GRAMD1B: variants seen among roughly 807,000 people sequenced by gnomAD.
GRAMD1B encodes the protein GRAM domain containing 1B, also known as protein Aster-B.
A neutral mutation model predicts 99.7 loss-of-function variants in GRAMD1B; 37 were observed. The ratio of observed to expected loss-of-function variants is 0.37; its 90% CI spans 0.29 to 0.49. GRAMD1B has a LOEUF of 0.49. Among genes scored for constraint, GRAMD1B ranks in the 20% least tolerant of loss-of-function variants. The pLI is 0.98. For synonymous variants in GRAMD1B, 427 were observed against 387.6 expected (o/e 1.10, Z -1.19); for missense variants, 888 against 1,009.2 (o/e 0.88, Z 1.63).
rs56216203 is a variant in GRAMD1B, at chr11:123,481,455, AAAC to A, written c.452+583_452+585del. ...GGCAACAGAGGGAGACTTCGTCTAA[AAAC>A]AACAACAACAACAACAACAAACTTT... On this transcript the variant is annotated intron_variant, in intron 2 of 19. Transcript: ENST00000635736. Among the ~76,000 whole-genome samples, 1,161 of 151,690 alleles carry A rather than the reference AAAC, an allele frequency of 7.7e-3. 17 individuals carry two copies. The highest frequency in any genetic ancestry group is 0.027 in the African/African-American group (1,105 of 41,358).
Position 123,440,778 on chromosome 11 carries a change from G to T in GRAMD1B, c.374+9612G>T, listed in dbSNP as rs566063547. On this transcript the variant is annotated intron_variant, in intron 1 of 19. Transcript: ENST00000635736. The stretch of plus-strand genomic sequence containing the variant: ...CCTTAGGAAGCTTCTATTCCTGGTG[G>T]AAAGCAAATGGGGGTTGATATGGCT... Among the ~76,000 whole-genome samples the T allele has an allele frequency of 5.3e-5, 8 of 152,264 alleles. No homozygotes were observed. The East Asian group carries it at 1.5e-3, about 29-fold the overall frequency.
chr11:123,600,750 G>A (rs1403363279), intron 8 of GRAMD1B, among the ~76,000 whole-genome samples: 1 of 152,186 alleles, frequency 6.6e-6, no homozygotes, highest in Non-Finnish European at 1.5e-5. Context: ...AGGGGCTTCA[G>A]TTCCACTGCT....
chr11:123,618,724 C>A lies in GRAMD1B; in HGVS notation c.2350C>A (p.Leu784Ile). 1 of 1,585,936 alleles carries A rather than the reference C, an allele frequency of 6.3e-7. No individual in the cohort carries two copies. The highest frequency in any genetic ancestry group is 8.6e-7 in the Non-Finnish European group (1 of 1,164,376). Residue 784 changes from leucine to isoleucine, a missense_variant, in exon 18 of 20, where the codon CTC becomes ATC. Leu to Ile is a conservative substitution (Grantham distance 5). Transcript: ENST00000635736. ...GCTGCTGGTCATCCTTAACATGATGCTCTTCTACAAACTCTGGATGTTGGA... is the reference window on the plus strand; with the variant it reads ...GCTGCTGGTCATCCTTAACATGATGATCTTCTACAAACTCTGGATGTTGGA... Reference protein sequence around the residue: ...LVLLVILNMMLFYKLWMLEYT... With the variant: ...LVLLVILNMMIFYKLWMLEYT...
At chr11:123,412,667 A>C (rs1258830909) in intron 1 of GRAMD1B, among the ~76,000 whole-genome samples, 2 of 152,240 alleles carry the variant, frequency 1.3e-5, no homozygotes, top group Non-Finnish European at 2.9e-5. Flanking sequence ...GCTGATATAG[A>C]AAACCCAGCC....
chr11:123,547,274 G>A (rs770725755), intron 2 of GRAMD1B, among the ~76,000 whole-genome samples: 10 of 152,196 alleles, frequency 6.6e-5, no homozygotes, highest in Non-Finnish European at 1.5e-4. Flanking sequence ...TAAAATAGAA[G>A]CAGATGGATG....
intron 1 of GRAMD1B, among the ~76,000 whole-genome samples, chr11:123,417,143 G>A (rs1160034824): frequency 6.6e-6 from 1 of 152,214 alleles, no homozygotes; most frequent in African/African-American, 2.4e-5. Flanking sequence ...CGGAGGCCGA[G>A]ATGGGCGGAC....
intron 7 of GRAMD1B, among the ~76,000 whole-genome samples, chr11:123,600,167 A>T (rs1282948747): frequency 6.6e-6 from 1 of 152,208 alleles, no homozygotes; most frequent in Non-Finnish European, 1.5e-5. Context: ...CAGTTCCAGT[A>T]GGTGGGTGAG....
At chr11:123,572,351 G>A (rs1304907811) in intron 2 of GRAMD1B, among the ~76,000 whole-genome samples, 1 of 152,160 alleles carries the variant, frequency 6.6e-6, no homozygotes, top group Admixed American at 6.5e-5. Flanking sequence ...ATTAATAATA[G>A]TGGCAGGGTC....
chr11:123,480,387 A>G (rs981401610), intron 1 of GRAMD1B, among the ~76,000 whole-genome samples: 7 of 151,422 alleles, frequency 4.6e-5, no homozygotes, highest in African/African-American at 1.7e-4. Flanking sequence ...CCTCCCACAC[A>G]TCTCACACCC....
chr11:123,370,469 T>G (rs1946489215), intron 1 of GRAMD1B, among the ~76,000 whole-genome samples: 1 of 150,464 alleles, frequency 6.6e-6, no homozygotes, highest in Non-Finnish European at 1.5e-5. Flanking sequence ...GCCTCCTGAG[T>G]AGCTGGGACT....
chr11:123,561,406 G>A (rs1946754843), intron 2 of GRAMD1B, among the ~76,000 whole-genome samples: 1 of 152,202 alleles, frequency 6.6e-6, no homozygotes, highest in Non-Finnish European at 1.5e-5. Flanking sequence ...GGATGAAAGG[G>A]GAAGTTGATA....
intron 1 of GRAMD1B, among the ~76,000 whole-genome samples, chr11:123,362,226 C>T (rs560238583): frequency 1.4e-4 from 21 of 152,166 alleles, no homozygotes; most frequent in Non-Finnish European, 2.6e-4. Context: ...AGGCATATAC[C>T]AGGCATACAG....
Position 123,574,822 on chromosome 11 carries a change from A to G in GRAMD1B, c.453-2545A>G, listed in dbSNP as rs78603464. Among the ~76,000 whole-genome samples, 53 of 152,178 alleles carry G rather than the reference A, an allele frequency of 3.5e-4. No homozygotes were observed. In the East Asian group the frequency reaches 9.3e-3, roughly 27 times the overall value. The stretch of plus-strand genomic sequence containing the variant: ...GTCTCTGCCTGGTTGAAGTTAGAGA[A>G]AGCTGGAGACGGCCAGGGAGGTGAC... On this transcript the variant is annotated intron_variant, in intron 2 of 19. Transcript: ENST00000635736.
At position 123,610,395 on chromosome 11, in the gene GRAMD1B, T is replaced by C; in HGVS notation, c.1919+57T>C. 1 of 1,553,172 alleles carries C rather than the reference T, an allele frequency of 6.4e-7. No homozygotes were observed. Among genetic ancestry groups the C allele is most frequent in the Non-Finnish European group, 8.9e-7 (1 of 1,126,428 alleles). ...ACGGGGGTCCTTACCTTAGAGAACATTCATTTGCTCCTGACGGGGAAGGAG... is the reference window on the plus strand; with the variant it reads ...ACGGGGGTCCTTACCTTAGAGAACACTCATTTGCTCCTGACGGGGAAGGAG... On this transcript the variant is annotated intron_variant, in intron 14 of 19. Transcript: ENST00000635736. The surrounding 1 kb of genome is among the most constrained non-coding windows in gnomAD (Gnocchi z 4.1).
chr11:123,421,003 G>A (rs1948414743), intron 1 of GRAMD1B, among the ~76,000 whole-genome samples: 1 of 152,186 alleles, frequency 6.6e-6, no homozygotes, highest in Admixed American at 6.5e-5. Context: ...ATGTGGTTCA[G>A]GTCCTAGGTA....
At chr11:123,370,559 C>T (rs1320631407) in intron 1 of GRAMD1B, among the ~76,000 whole-genome samples, 1 of 151,934 alleles carries the variant, frequency 6.6e-6, no homozygotes. Flanking sequence ...AGGCTGGTCT[C>T]GAACTCCTGA....
At chr11:123,400,205 G>C (rs1947611310) in intron 1 of GRAMD1B, among the ~76,000 whole-genome samples, 1 of 152,104 alleles carries the variant, frequency 6.6e-6, no homozygotes, top group African/African-American at 2.4e-5. Context: ...GGCCAGGCAT[G>C]GTAGCTCACG....
In GRAMD1B at chr11:123,439,054, A is replaced by G. The variant is rs733351; in HGVS notation, c.374+7888A>G. On this transcript the variant is annotated intron_variant, in intron 1 of 19. Transcript: ENST00000635736. ...CCAATGGGATTCTTTCTTCCATAGC[A>G]CATATCAGTGTGTGACTTGCCAAGG... Among the ~76,000 whole-genome samples the G allele has an allele frequency of 2.7e-3, 414 of 152,268 alleles. 2 individuals carry two copies. Among genetic ancestry groups the G allele is most frequent in the Admixed American group, 0.016 (242 of 15,288 alleles).
At chr11:123,506,171 C>T (rs886786280) in intron 2 of GRAMD1B, among the ~76,000 whole-genome samples, 2 of 152,164 alleles carry the variant, frequency 1.3e-5, no homozygotes, top group African/African-American at 4.8e-5. Flanking sequence ...TCCCAGAGTG[C>T]AGCGGGGGAG....
Sources: gnomAD v4.1 joint callset for allele counts (sites outside exome capture counted in the v4.1 genomes callset) on GRCh38, gnomAD v4.1.1 for gene constraint, Gnocchi (gnomAD v3.1) non-coding constraint, MANE v1.5 for transcripts, NCBI Gene and HGNC (gene_info 2026-07-23, HGNC 2026-07-21) for gene names.